The following CADM2 variants were observed in gnomAD, a reference collection of about 807,000 sequenced individuals.
CADM2 encodes immunoglobulin superfamily member 4D.
Under a neutral mutation model 49.8 loss-of-function variants are expected in CADM2, and 12 were observed. That is an observed-to-expected ratio of 0.24 (90% confidence interval 0.15 to 0.39). CADM2 has a LOEUF of 0.39. Among genes scored for constraint, CADM2 ranks in the 10% least tolerant of loss-of-function variants. The pLI is 1.00. For missense variants in CADM2, 378 were observed against 492.3 expected (o/e 0.77, Z 2.20); for synonymous variants, 214 against 175.4 (o/e 1.22, Z -1.74).
Position 85,543,184 on chromosome 3 carries a change from A to G in CADM2, c.62-183338A>G, listed in dbSNP as rs1282311147. Among the ~76,000 whole-genome samples, 12 of 152,196 alleles carry G rather than the reference A, an allele frequency of 7.9e-5. 1 individual carries two copies. The highest frequency in any genetic ancestry group is 2.6e-4 in the African/African-American group (11 of 41,544). ...GGCAGATTCCCAAATGTACAAAACA[A>G]CAGGTACCTTGCCTCCTACACCCAT... is the stretch of plus-strand genomic sequence containing the variant. On this transcript the variant is annotated intron_variant, in intron 1 of 9. Coordinates refer to ENST00000383699, the MANE Select transcript of CADM2 (RefSeq NM_001167675.2).
At chr3:85,352,429 A>G (rs2031440742) in intron 1 of CADM2, among the ~76,000 whole-genome samples, 1 of 152,100 alleles carries the variant, frequency 6.6e-6, no homozygotes, top group African/African-American at 2.4e-5. Flanking sequence ...GTTATCGGTG[A>G]AAAAAACCAG....
chr3:85,779,312 T>C (rs756881787), intron 2 of CADM2, among the ~76,000 whole-genome samples: 27 of 152,194 alleles, frequency 1.8e-4, no homozygotes, highest in Non-Finnish European at 3.8e-4. Flanking sequence ...TTACCATGCC[T>C]AAAGCCTCTG....
chr3:85,805,829 G>A (rs771043406), intron 3 of CADM2, among the ~76,000 whole-genome samples: 6 of 152,106 alleles, frequency 3.9e-5, no homozygotes, highest in Non-Finnish European at 8.8e-5. Context: ...GAAAAGGGAA[G>A]GAATGGGTTG....
In CADM2 at chr3:86,071,343, T is replaced by C. The variant is rs1237278059; in HGVS notation, c.*4560T>C. ...TATTCATTTTTTCCCTTTCTCTCTC[T>C]ATTCTACCCCCAAACAAGCCCTTTG... On this transcript the variant is annotated 3_prime_UTR_variant, in exon 10 of 10. Coordinates refer to ENST00000383699, the MANE Select transcript of CADM2 (RefSeq NM_001167675.2). 6.6e-6 allele frequency: 1 copy of C among 151,854 alleles called. No homozygotes were observed. Among genetic ancestry groups the C allele is most frequent in the Non-Finnish European group, 1.5e-5 (1 of 67,790 alleles). The allele number at this position is 151,854 out of a possible 1,614,324, so 9.4% of individuals were successfully genotyped here.
intron 8 of CADM2, among the ~76,000 whole-genome samples, chr3:85,980,117 G>A (rs1464707893): frequency 6.6e-6 from 1 of 151,392 alleles, no homozygotes; most frequent in African/African-American, 2.4e-5. Flanking sequence ...TGCTCAGAGA[G>A]AATTTGTCGT....
chr3:85,403,029 G>T (rs553622415), intron 1 of CADM2, among the ~76,000 whole-genome samples: 1 of 152,186 alleles, frequency 6.6e-6, no homozygotes, highest in East Asian at 1.9e-4. Flanking sequence ...ATACCTGAAA[G>T]GTTAGGGTGA....
chr3:84,978,090 C>A (rs886326412), intron 1 of CADM2, among the ~76,000 whole-genome samples: 1 of 152,054 alleles, frequency 6.6e-6, no homozygotes, highest in African/African-American at 2.4e-5. Flanking sequence ...GGTGTATTTG[C>A]TCATCTAAAC....
intron 1 of CADM2, among the ~76,000 whole-genome samples, chr3:85,079,146 T>C (rs1056762090): frequency 6.6e-6 from 1 of 151,846 alleles, no homozygotes; most frequent in Non-Finnish European, 1.5e-5. Flanking sequence ...ATAATTAATC[T>C]TTTTGCAAAC....
At chr3:85,944,977 G>A (rs9812779) in intron 7 of CADM2, among the ~76,000 whole-genome samples, 94,129 of 151,706 alleles carry the variant, frequency 0.62, 29,352 homozygotes, top group African/African-American at 0.69. Context: ...CAAAAAATCG[G>A]TGAATCCAGG....
At chr3:85,260,677 G>C (rs1184511941) in intron 1 of CADM2, among the ~76,000 whole-genome samples, 95 of 152,080 alleles carry the variant, frequency 6.2e-4, no homozygotes, top group Non-Finnish European at 2.6e-4. Context: ...AATAATCGCA[G>C]ATTATTTGCA....
chr3:84,960,006 C>CT (rs1288401373), intron 1 of CADM2: 2 of 420,050 alleles, frequency 4.8e-6, no homozygotes, highest in African/African-American at 4.1e-5. Context: ...ACATTCCACC[C>CT]TCCCGACAAC....
intron 1 of CADM2, among the ~76,000 whole-genome samples, chr3:85,121,956 G>A (rs369669147): frequency 7.9e-5 from 12 of 151,666 alleles, no homozygotes; most frequent in African/African-American, 2.9e-4. Context: ...TCATTCACAG[G>A]AGATGAGGTG....
At chr3:85,016,479 A>G (rs368879768) in intron 1 of CADM2, among the ~76,000 whole-genome samples, 1 of 152,282 alleles carries the variant, frequency 6.6e-6, no homozygotes, top group African/African-American at 2.4e-5. Flanking sequence ...ACAAATAAAT[A>G]ACTGTCAATC....
intron 8 of CADM2, among the ~76,000 whole-genome samples, chr3:85,978,401 G>C (rs1727053779): frequency 6.6e-6 from 1 of 151,568 alleles, no homozygotes; most frequent in Non-Finnish European, 1.5e-5. Context: ...TACACTTCAA[G>C]TATATGTTCA....
intron 1 of CADM2, among the ~76,000 whole-genome samples, chr3:85,589,708 A>G (rs2063050125): frequency 2.0e-5 from 3 of 152,012 alleles, no homozygotes; most frequent in Admixed American, 6.6e-5. Flanking sequence ...ATTATTTTGA[A>G]ATTGTACTTT....
chr3:85,383,827 G>A (rs2034051541), intron 1 of CADM2, among the ~76,000 whole-genome samples: 1 of 151,262 alleles, frequency 6.6e-6, no homozygotes, highest in African/African-American at 2.4e-5. Flanking sequence ...CCATTCCTTT[G>A]TTGATTTCCA....
chr3:85,259,709 A>C (rs969179779), intron 1 of CADM2, among the ~76,000 whole-genome samples: 1 of 152,066 alleles, frequency 6.6e-6, no homozygotes, highest in African/African-American at 2.4e-5. Context: ...CCAAAGGAGC[A>C]CTCTGGCCCC....
At chr3:85,966,603 C>A (rs753048046) in intron 8 of CADM2, among the ~76,000 whole-genome samples, 1 of 151,530 alleles carries the variant, frequency 6.6e-6, no homozygotes, top group Non-Finnish European at 1.5e-5. Flanking sequence ...GCTTTTCTAG[C>A]AAATTTGACC....
intron 1 of CADM2, among the ~76,000 whole-genome samples, chr3:85,454,580 GCTCA>G (rs1416496460): frequency 1.3e-5 from 2 of 152,024 alleles, no homozygotes; most frequent in Non-Finnish European, 2.9e-5. Flanking sequence ...GAACCAAAAT[GCTCA>G]CTGTTATTAA....
Sources: allele counts gnomAD v4.1 joint callset (sites outside exome capture counted in the v4.1 genomes callset), GRCh38; gene constraint gnomAD v4.1.1; transcripts MANE v1.5; gene names NCBI Gene and HGNC (gene_info 2026-07-23, HGNC 2026-07-21).